Variants in IRS2 observed in about 807,000 individuals in gnomAD.
The protein encoded by IRS2 is insulin receptor substrate 2.
IRS2 carries 28 observed loss-of-function variants against 70.9 expected under a neutral mutation model. That is an observed-to-expected ratio of 0.39 (90% CI 0.29 to 0.54). IRS2 has a LOEUF of 0.54. Ranked by LOEUF, IRS2 falls within the 20% of genes least tolerant of loss-of-function variation. The probability of loss-of-function intolerance (pLI) is 0.59; values close to 1 mark genes in which losing one functional copy is unlikely to be tolerated. For missense variants in IRS2, 2,081 were observed against 2,024.1 expected (o/e 1.03, Z -0.54); for synonymous variants, 1,217 against 981.9 (o/e 1.24, Z -4.48).
Position 109,786,405 on chromosome 13 carries a change from C to T in IRS2, c.-352G>A, listed in dbSNP as rs1445043087. ...GGGTCCCCGAGCCGCGGGGCCGAGC[C>T]TAAGGCGCGCGCGGCCGCACCGGGG... On this transcript the variant is annotated 5_prime_UTR_variant, in exon 1 of 2. Coordinates refer to ENST00000375856, the MANE Select transcript of IRS2 (RefSeq NM_003749.3). This position sits in a 1 kb window ranked among gnomAD's most constrained non-coding sequence, Gnocchi z 4.4. 1 of 147,320 alleles carries T rather than the reference C, an allele frequency of 6.8e-6. No individual in the cohort carries two copies. Among genetic ancestry groups the T allele is most frequent in the Non-Finnish European group, 1.5e-5 (1 of 65,976 alleles). The allele number at this position is 147,320 out of a possible 1,614,324, so 9.1% of individuals were successfully genotyped here. A position where few individuals can be genotyped will look rare whatever the true frequency, so the allele number is the denominator to read the frequency against.
rs1054885857 is a variant in IRS2 at position 109,756,130 on chromosome 13, G to A, written c.*174C>T. On this transcript the variant is annotated 3_prime_UTR_variant, in exon 2 of 2. Transcript: ENST00000375856. Reference sequence around the variant, plus strand: ...CCGGGAACAAGGGAAAGAGGCAGGTGACCTTGCCTTGTTGGTGCCTCATCT... The same window carrying A: ...CCGGGAACAAGGGAAAGAGGCAGGTAACCTTGCCTTGTTGGTGCCTCATCT... 1 of 616,710 alleles carries A rather than the reference G, an allele frequency of 1.6e-6. No homozygotes were observed. The highest frequency in any genetic ancestry group is 2.7e-5 in the East Asian group (1 of 36,924). The allele number at this position is 616,710 out of a possible 1,614,324, so 38.2% of individuals were successfully genotyped here. A position where few individuals can be genotyped will look rare whatever the true frequency, so the allele number is the denominator to read the frequency against.
intron 1 of IRS2, 127 bp downstream of exon 1, chr13:109,781,915 G>A (rs1431780484): frequency 3.0e-6 from 3 of 1,012,446 alleles, no homozygotes; most frequent in South Asian, 1.4e-5. Context: ...ACAAAACAAG[G>A]AGCCAGTGCC....
In IRS2 at chr13:109,754,528, T is replaced by G. The variant is rs2138906879; in HGVS notation, c.*1776A>C. 1 of 199,234 alleles carries G rather than the reference T, an allele frequency of 5.0e-6. No individual in the cohort carries two copies. The highest frequency in any genetic ancestry group is 1.7e-3 in the Middle Eastern group (1 of 582). 12.3% of individuals were successfully genotyped at this position (199,234 alleles called of 1,614,324 possible). On this transcript the variant is annotated 3_prime_UTR_variant, in exon 2 of 2. Transcript: ENST00000375856. ...CTAAATAAAAACTTCAGGATTTTTA[T>G]ACATCTTAATAAAGTATATCATACA...
chr13:109,763,228 C>T (rs1877264139), intron 1 of IRS2, among the ~76,000 whole-genome samples: 1 of 152,230 alleles, frequency 6.6e-6, no homozygotes, highest in South Asian at 2.1e-4. Context: ...CCATATATTT[C>T]CATCTGTGTG....
At chr13:109,771,500 G>A (rs1877450539) in intron 1 of IRS2, among the ~76,000 whole-genome samples, 1 of 152,168 alleles carries the variant, frequency 6.6e-6, no homozygotes, top group African/African-American at 2.4e-5. Flanking sequence ...TATACATTTA[G>A]TAGATGTCTA....
Position 109,786,370 on chromosome 13 carries a change from C to G in IRS2, c.-317G>C, listed in dbSNP as rs941763853. 1 of 147,072 alleles carries G rather than the reference C, an allele frequency of 6.8e-6. No individual in the cohort carries two copies. The highest frequency in any genetic ancestry group is 2.4e-5 in the African/African-American group (1 of 40,852). 9.1% of individuals were successfully genotyped at this position (147,072 alleles called of 1,614,324 possible). On this transcript the variant is annotated 5_prime_UTR_variant, in exon 1 of 2. Transcript: ENST00000375856. This position sits in a 1 kb window ranked among gnomAD's most constrained non-coding sequence, Gnocchi z 4.4. The stretch of plus-strand genomic sequence containing the variant: ...GGCGCCGGGGGACGCGCTCGCTGGG[C>G]CGGGAGTCGGGGTCCCCGAGCCGCG...
rs757839622 is a variant in IRS2 at position 109,784,435 on chromosome 13, T to G, written c.1619A>C (p.Tyr540Ser). The part of the protein sequence containing the change: ...ARDGGGGGEF[Y>S]GYMTMDRPLS... ...GGGCCTGTCCATGGTCATGTACCCG[T>G]AGAACTCACCGCCGCCGCCGCCGTC... Residue 540 changes from tyrosine to serine, a missense_variant, in exon 1 of 2, where the codon TAC becomes TCC. Transcript: ENST00000375856. The surrounding 1 kb of genome is among the most constrained non-coding windows in gnomAD (Gnocchi z 5.2). 25 of 1,594,978 alleles carry G rather than the reference T, an allele frequency of 1.6e-5. No individual in the cohort carries two copies. Among genetic ancestry groups the G allele is most frequent in the Non-Finnish European group, 2.1e-5 (24 of 1,168,462 alleles).
Position 109,756,020 on chromosome 13 carries a change from A to T in IRS2, c.*284T>A. On this transcript the variant is annotated 3_prime_UTR_variant, in exon 2 of 2. Coordinates refer to ENST00000375856, the MANE Select transcript of IRS2 (RefSeq NM_003749.3). The stretch of plus-strand genomic sequence containing the variant: ...TTTAAGAAGGCCAATGAAAACATCC[A>T]ATTTTCTTGAGAATAACTTCTTCAG... 2.1e-6 allele frequency: 1 copy of T among 475,988 alleles called. No homozygotes were observed. Among genetic ancestry groups the T allele is most frequent in the Non-Finnish European group, 3.8e-6 (1 of 264,364 alleles). 29.5% of individuals were successfully genotyped at this position (475,988 alleles called of 1,614,324 possible). A position where few individuals can be genotyped will look rare whatever the true frequency, so the allele number is the denominator to read the frequency against.
chr13:109,767,669 T>C (rs1458793954), intron 1 of IRS2, among the ~76,000 whole-genome samples: 1 of 151,990 alleles, frequency 6.6e-6, no homozygotes, highest in Admixed American at 6.5e-5. Context: ...ATGCCTTCTC[T>C]TCCCAGAGAG....
At chr13:109,772,205 C>T (rs1877466957) in intron 1 of IRS2, among the ~76,000 whole-genome samples, 1 of 152,136 alleles carries the variant, frequency 6.6e-6, no homozygotes, top group African/African-American at 2.4e-5. Context: ...TCAGATGGTC[C>T]CTGACTTCAG....
intron 1 of IRS2, among the ~76,000 whole-genome samples, chr13:109,761,334 C>T (rs1441663822): frequency 1.3e-5 from 2 of 152,154 alleles, no homozygotes; most frequent in Non-Finnish European, 2.9e-5. Context: ...ATGTACTTGA[C>T]AAAATGAAAC....
Position 109,782,388 on chromosome 13 carries a change from C to T in IRS2, c.3666G>A (p.Pro1222=), listed in dbSNP as rs749755821. Residue 1222 remains proline, a synonymous_variant, in exon 1 of 2, where the codon CCG becomes CCA. Transcript: ENST00000375856. ...AACCGACCAAGCCCCCGGGCTGACC[C>T]GGGGTCCACGGCCGGCCCTGCGGTG... is the stretch of plus-strand genomic sequence containing the variant. The part of the protein sequence containing the change: ...PLAPQGRPWT[P]GQPGGLVGCP... 3.7e-6 allele frequency: 6 copies of T among 1,609,498 alleles called. No individual in the cohort carries two copies. The highest frequency in any genetic ancestry group is 2.7e-5 in the African/African-American group (2 of 74,838).
At position 109,782,226 on chromosome 13, in the gene IRS2, A is replaced by T; in HGVS notation, c.3828T>A (p.Pro1276=). ...CCCAGGAGCTCTTGTCTCCCGGCTGAGGAAGCGGCGGCGGCGGCGGCTGCG... is the reference window on the plus strand; with the variant it reads ...CCCAGGAGCTCTTGTCTCCCGGCTGTGGAAGCGGCGGCGGCGGCGGCTGCG... ...PQPQPPPPPL[P]QPGDKSSWGR... is the part of the protein sequence containing the mutation. The change falls in exon 1 of 2, where the codon CCT becomes CCA. Residue 1276 remains proline, a synonymous_variant. Transcript: ENST00000375856. 6.2e-7 allele frequency: 1 copy of T among 1,607,848 alleles called. No homozygotes were observed. Among genetic ancestry groups the T allele is most frequent in the African/African-American group, 1.3e-5 (1 of 74,950 alleles).
intron 1 of IRS2, among the ~76,000 whole-genome samples, chr13:109,768,820 C>T (rs1242866292): frequency 6.6e-6 from 1 of 152,134 alleles, no homozygotes; most frequent in Non-Finnish European, 1.5e-5. Flanking sequence ...GAAAGTTTCT[C>T]CAACAGCAGG....
chr13:109,759,523 C>T (rs368309337), intron 1 of IRS2, among the ~76,000 whole-genome samples: 5 of 152,196 alleles, frequency 3.3e-5, no homozygotes, highest in African/African-American at 7.2e-5. Context: ...ACAACAGAGA[C>T]CTAAGAAGCA....
At chr13:109,771,690 T>TA (rs1341660321) in intron 1 of IRS2, among the ~76,000 whole-genome samples, 1 of 152,252 alleles carries the variant, frequency 6.6e-6, no homozygotes, top group Non-Finnish European at 1.5e-5. Flanking sequence ...CATACCAGAA[T>TA]AAAACTGAAG....
intron 1 of IRS2, among the ~76,000 whole-genome samples, chr13:109,774,512 T>C (rs1024079839): frequency 6.6e-6 from 1 of 152,132 alleles, no homozygotes; most frequent in African/African-American, 2.4e-5. Context: ...TCCAGCAAAA[T>C]ATTAACTTAA....
intron 1 of IRS2, among the ~76,000 whole-genome samples, chr13:109,771,429 T>C (rs192210497): frequency 6.6e-6 from 1 of 152,318 alleles, no homozygotes; most frequent in East Asian, 1.9e-4. Context: ...AAAAAGAGAT[T>C]TGGTACTTTT....
At position 109,754,116 on chromosome 13, in the gene IRS2, T is replaced by C; in HGVS notation, c.*2188A>G. ...AACACTGTTTAATAACTGTTAAAGT[T>C]TATATAGCAAAAAATATTTTAAATT... On this transcript the variant is annotated 3_prime_UTR_variant, in exon 2 of 2. Transcript: ENST00000375856. 4.3e-6 allele frequency: 1 copy of C among 232,112 alleles called. No homozygotes were observed. The highest frequency in any genetic ancestry group is 8.5e-6 in the Non-Finnish European group (1 of 117,132). The allele number at this position is 232,112 out of a possible 1,614,324, so 14.4% of individuals were successfully genotyped here.
Sources: gnomAD v4.1 joint callset for allele counts (sites outside exome capture counted in the v4.1 genomes callset) on GRCh38, gnomAD v4.1.1 for gene constraint, Gnocchi (gnomAD v3.1) non-coding constraint, MANE v1.5 for transcripts, NCBI Gene and HGNC (gene_info 2026-07-23, HGNC 2026-07-21) for gene names.